PDE8B: variants seen among roughly 807,000 people sequenced by gnomAD.
PDE8B encodes the protein high affinity cAMP-specific and IBMX-insensitive 3',5'-cyclic phosphodiesterase 8B.
In PDE8B, 26 loss-of-function variants were observed where a neutral mutation model predicts 101.3. The observed-to-expected ratio is 0.26, with a 90% CI of 0.19 to 0.36. PDE8B has a LOEUF of 0.36. Ranked by LOEUF, PDE8B falls within the 10% of genes least tolerant of loss-of-function variation. PDE8B has a pLI of 1.00. For synonymous variants in PDE8B, 424 were observed against 429.3 expected (o/e 0.99, Z 0.15); for missense variants, 810 against 1,163.1 (o/e 0.70, Z 4.42).
intron 1 of PDE8B, among the ~76,000 whole-genome samples, chr5:77,280,552 C>T (rs142245278): frequency 1.4e-3 from 206 of 152,354 alleles, no homozygotes; most frequent in African/African-American, 4.2e-3. Flanking sequence ...CTGGAAGTTT[C>T]TAAGCACTTA....
chr5:77,149,216 A>G, the PDE8B span, among the ~76,000 whole-genome samples: 1 of 152,196 alleles, frequency 6.6e-6, no homozygotes, highest in Non-Finnish European at 1.5e-5. Context: ...GTTCTTCTCC[A>G]TTCATCTCTA....
chr5:77,201,468 G>A, the PDE8B span, among the ~76,000 whole-genome samples: 1 of 151,910 alleles, frequency 6.6e-6, no homozygotes, highest in African/African-American at 2.4e-5. Context: ...TCATGTTCTG[G>A]GGAGAGTTCA....
chr5:77,285,148 G>T (rs1765743455), intron 1 of PDE8B, among the ~76,000 whole-genome samples: 1 of 152,160 alleles, frequency 6.6e-6, no homozygotes, highest in Non-Finnish European at 1.5e-5. Flanking sequence ...TGTAGTCCAA[G>T]AAATCTTTTC....
At chr5:77,198,808 G>T in the PDE8B span, among the ~76,000 whole-genome samples, 1 of 151,444 alleles carries the variant, frequency 6.6e-6, no homozygotes, top group African/African-American at 2.4e-5. Flanking sequence ...TTCTGAAAAT[G>T]CTGTTCTATT....
the PDE8B span, chr5:77,104,549 G>A: frequency 1.3e-5 from 2 of 152,050 alleles, no homozygotes; most frequent in African/African-American, 4.8e-5. Flanking sequence ...CCGCTCCAGA[G>A]GATGCAGCAA....
chr5:77,378,181 C>CA (rs1786658917), intron 10 of PDE8B, among the ~76,000 whole-genome samples: 1 of 152,098 alleles, frequency 6.6e-6, no homozygotes. Context: ...TAGGTACTGG[C>CA]CGGGCACGGC....
At chr5:77,398,434 G>A (rs964284595) in intron 10 of PDE8B, among the ~76,000 whole-genome samples, 2 of 148,678 alleles carry the variant, frequency 1.3e-5, no homozygotes, top group African/African-American at 5.0e-5. Flanking sequence ...CAATTCTCCT[G>A]CCTCAGCCTC....
intron 15 of PDE8B, 59 bp from the exon 16 acceptor site, chr5:77,412,041 A>C: frequency 6.4e-7 from 1 of 1,569,480 alleles, no homozygotes; most frequent in Non-Finnish European, 8.8e-7. Context: ...GATGACAGAC[A>C]CCCGGGCACT....
intron 10 of PDE8B, among the ~76,000 whole-genome samples, chr5:77,391,535 A>G (rs1789922844): frequency 6.6e-6 from 1 of 152,262 alleles, no homozygotes; most frequent in Non-Finnish European, 1.5e-5. Flanking sequence ...AGAATGGCCC[A>G]GAGCCACCTC....
intron 1 of PDE8B, among the ~76,000 whole-genome samples, chr5:77,245,492 C>T (rs1257281528): frequency 2.6e-5 from 4 of 152,164 alleles, no homozygotes; most frequent in East Asian, 1.9e-4. Context: ...TCTCTCTGAT[C>T]GTACAGAAGA....
chr5:77,385,432 A>ATTTT (rs201364254), intron 10 of PDE8B, among the ~76,000 whole-genome samples: 1 of 144,042 alleles, frequency 6.9e-6, no homozygotes, highest in Non-Finnish European at 1.5e-5. Context: ...GGATTCATTG[A>ATTTT]TTTTTTTTTT....
At position 77,211,096 on chromosome 5, in the gene PDE8B, C is replaced by A; in HGVS notation, c.171C>A (p.Arg57=). 2 of 1,491,636 alleles carry A rather than the reference C, an allele frequency of 1.3e-6. No individual in the cohort carries two copies. The highest frequency in any genetic ancestry group is 2.5e-5 in the South Asian group (2 of 79,674). The allele number at this position is 1,491,636 out of a possible 1,614,324, so 92.4% of individuals were successfully genotyped here. ...TDAADAIPPS[R]ASGPPSVARV... ...CCGCCGACGCCATCCCCCCGAGCCG[C>A]GCGTCGGGACCCCCCAGCGTAGCCC... Residue 57 remains arginine (R), a synonymous_variant, in exon 1 of 22, where the codon CGC becomes CGA. Transcript: ENST00000264917. The surrounding 1 kb of genome is among the most constrained non-coding windows in gnomAD (Gnocchi z 4.1).
Position 77,325,749 on chromosome 5 carries a change from A to G in PDE8B, c.590+20A>G, listed in dbSNP as rs1775929497. ...GTGCAGGTACCTTCTCTAATTTAAT[A>G]TGCTTAGTAAATGTTCACTTTACAT... On this transcript the variant is annotated intron_variant, in intron 3 of 21. Transcript: ENST00000264917. 1.3e-6 allele frequency: 2 copies of G among 1,526,064 alleles called. No homozygotes were observed. The highest frequency in any genetic ancestry group is 9.1e-7 in the Non-Finnish European group (1 of 1,100,272). The allele number at this position is 1,526,064 out of a possible 1,614,324, so 94.5% of individuals were successfully genotyped here.
rs75463793 is a variant in PDE8B, at chr5:77,353,472, A to G, written c.1167+66A>G. On this transcript the variant is annotated intron_variant, in intron 10 of 21. Coordinates refer to ENST00000264917, the MANE Select transcript of PDE8B (RefSeq NM_003719.5). ...CATGCGTCACCTCTGTTCTCTGCTT[A>G]TCTCACCACTGTTCTCTGCTTGTCT... is the stretch of plus-strand genomic sequence containing the variant. The G allele has an allele frequency of 1.2e-3, 1,089 of 876,746 alleles. 3 individuals are homozygous for G. The highest frequency in any genetic ancestry group is 2.8e-3 in the Middle Eastern group (13 of 4,640). 54.3% of individuals were successfully genotyped at this position (876,746 alleles called of 1,614,324 possible).
intron 1 of PDE8B, among the ~76,000 whole-genome samples, chr5:77,291,982 A>G (rs1767460630): frequency 6.6e-6 from 1 of 151,986 alleles, no homozygotes; most frequent in Admixed American, 6.6e-5. Context: ...AAATCAAAAT[A>G]AAATTGTTAC....
chr5:77,264,355 A>T (rs751451600), intron 1 of PDE8B, among the ~76,000 whole-genome samples: 4 of 152,358 alleles, frequency 2.6e-5, no homozygotes, highest in Non-Finnish European at 5.9e-5. Context: ...TTTGCAAAAC[A>T]GTTGTACCAT....
At chr5:77,237,654 A>G (rs923470145) in intron 1 of PDE8B, among the ~76,000 whole-genome samples, 1 of 152,194 alleles carries the variant, frequency 6.6e-6, no homozygotes, top group Non-Finnish European at 1.5e-5. Flanking sequence ...AGAATAATCT[A>G]CTATAGTTAC....
intron 2 of PDE8B, among the ~76,000 whole-genome samples, chr5:77,314,708 G>T (rs78996292): frequency 6.6e-6 from 1 of 151,794 alleles, no homozygotes; most frequent in Non-Finnish European, 1.5e-5. Context: ...TTCTCTTGCC[G>T]AATTGCCCTA....
intron 2 of PDE8B, among the ~76,000 whole-genome samples, chr5:77,319,239 TA>T (rs1250696725): frequency 6.6e-6 from 1 of 152,222 alleles, no homozygotes; most frequent in East Asian, 1.9e-4. Flanking sequence ...AATAAATGCA[TA>T]AAGCATAAAC....
Sources: gnomAD v4.1 joint callset for allele counts (sites outside exome capture counted in the v4.1 genomes callset) on GRCh38, gnomAD v4.1.1 for gene constraint, Gnocchi (gnomAD v3.1) non-coding constraint, MANE v1.5 for transcripts, NCBI Gene and HGNC (gene_info 2026-07-23, HGNC 2026-07-21) for gene names.